Variants in GALNT13 observed in about 807,000 individuals in gnomAD.
The protein encoded by GALNT13 is UDP-GalNAc:polypeptide N-acetylgalactosaminyltransferase 13.
In GALNT13, 28 loss-of-function variants were observed where a neutral mutation model predicts 64.2. That is an observed-to-expected ratio of 0.44 (90% confidence interval 0.32 to 0.60). The LOEUF (loss-of-function observed/expected upper bound fraction) is 0.60. Ranked by LOEUF, GALNT13 falls within the 20% of genes least tolerant of loss-of-function variation. The pLI, the probability that GALNT13 is intolerant of heterozygous loss-of-function variation, is 0.05. For missense variants in GALNT13, 577 were observed against 669.8 expected (o/e 0.86, Z 1.53); for synonymous variants, 214 against 224.6 (o/e 0.95, Z 0.42).
chr2:153,138,317 T>C, the GALNT13 span, among the ~76,000 whole-genome samples: 1 of 152,072 alleles, frequency 6.6e-6, no homozygotes, highest in Non-Finnish European at 1.5e-5. Context: ...TTCACTGATT[T>C]AAAACTTCAC....
At chr2:153,145,883 G>C in the GALNT13 span, among the ~76,000 whole-genome samples, 4 of 151,808 alleles carry the variant, frequency 2.6e-5, no homozygotes, top group African/African-American at 9.7e-5. Context: ...CCCAGGATCA[G>C]ATTTCTGGAA....
rs368475927 is a variant in GALNT13, at chr2:154,300,099, C to CTTTT, written c.976-1295_976-1292dup. On this transcript the variant is annotated intron_variant, in intron 8 of 12. Transcript: ENST00000392825. ...ATAGTTTTTTTTTCTTTCTTTCTCT[C>CTTTT]TTTTTTTTTTTTTTTTTTGAGATAG... 1.9e-3 allele frequency among the ~76,000 whole-genome samples: 217 copies of CTTTT among 116,976 alleles called. 2 individuals are homozygous for CTTTT. The highest frequency in any genetic ancestry group is 2.5e-3 in the South Asian group (9 of 3,588). 76.7% of individuals were successfully genotyped at this position (116,976 alleles called of 152,430 possible). A position where few individuals can be genotyped will look rare whatever the true frequency, so the allele number is the denominator to read the frequency against.
chr2:153,677,763 CAAAA>C, the GALNT13 span, among the ~76,000 whole-genome samples: 1 of 152,044 alleles, frequency 6.6e-6, no homozygotes, highest in East Asian at 1.9e-4. Context: ...ACAGAATCAA[CAAAA>C]ACAAACAATG....
the GALNT13 span, among the ~76,000 whole-genome samples, chr2:153,810,987 T>G: frequency 5.9e-5 from 9 of 152,206 alleles, no homozygotes; most frequent in African/African-American, 2.2e-4. Flanking sequence ...TCATTTAACC[T>G]TTTTGAACCC....
chr2:154,215,548 C>G (rs1559029808), intron 4 of GALNT13, among the ~76,000 whole-genome samples: 1 of 152,174 alleles, frequency 6.6e-6, no homozygotes, highest in African/African-American at 2.4e-5. Context: ...CCTGAAATGT[C>G]TTTCTTTTCC....
the GALNT13 span, among the ~76,000 whole-genome samples, chr2:153,836,946 T>C: frequency 6.6e-6 from 1 of 152,096 alleles, no homozygotes; most frequent in Non-Finnish European, 1.5e-5. Context: ...TTTGCTATTG[T>C]GAATAGTGCC....
At chr2:153,438,588 G>A in the GALNT13 span, among the ~76,000 whole-genome samples, 14 of 151,360 alleles carry the variant, frequency 9.2e-5, no homozygotes, top group South Asian at 6.3e-4. Flanking sequence ...TTCTTCCATC[G>A]CTGATATACT....
intron 3 of GALNT13, among the ~76,000 whole-genome samples, chr2:154,061,416 G>A (rs1700177771): frequency 6.6e-6 from 1 of 152,126 alleles, no homozygotes; most frequent in African/African-American, 2.4e-5. Context: ...AGGATTTTGG[G>A]TCAGAGCTGG....
chr2:154,030,151 G>T (rs949868618), intron 3 of GALNT13, among the ~76,000 whole-genome samples: 1 of 124,724 alleles, frequency 8.0e-6, no homozygotes, highest in East Asian at 2.0e-4. Context: ...AATTAAGGAG[G>T]ATTTAATGAG....
At position 153,888,233 on chromosome 2, in the gene GALNT13, C is replaced by A. The variant is rs79920487; in HGVS notation, c.-176-12703C>A. Among the ~76,000 whole-genome samples the A allele has an allele frequency of 2.0e-3, 302 of 151,930 alleles. 1 individual carries two copies. The highest frequency in any genetic ancestry group is 6.8e-3 in the African/African-American group (284 of 41,464). Reference sequence around the variant, plus strand: ...CATCATACTGTTTTTGATTTATTTCCAAATCATTTGCAGAATGTTGAAATG... The same window carrying A: ...CATCATACTGTTTTTGATTTATTTCAAAATCATTTGCAGAATGTTGAAATG... On this transcript the variant is annotated intron_variant, in intron 1 of 12. Transcript: ENST00000392825.
intron 7 of GALNT13, among the ~76,000 whole-genome samples, chr2:154,255,902 AG>A (rs529364565): frequency 1.5e-3 from 231 of 152,104 alleles, no homozygotes; most frequent in African/African-American, 5.2e-3. Flanking sequence ...AAATACAAAA[AG>A]ATAGCTCGGT....
chr2:153,366,864 G>A, the GALNT13 span, among the ~76,000 whole-genome samples: 1 of 151,522 alleles, frequency 6.6e-6, no homozygotes, highest in African/African-American at 2.4e-5. Flanking sequence ...ACAGAGGAAC[G>A]AAGATAAGAA....
the GALNT13 span, among the ~76,000 whole-genome samples, chr2:153,174,586 T>C: frequency 3.3e-5 from 5 of 152,124 alleles, no homozygotes; most frequent in African/African-American, 9.7e-5. Context: ...TATTTTACTA[T>C]TGGTAACAAG....
At chr2:154,099,183 T>C (rs1702223002) in intron 3 of GALNT13, among the ~76,000 whole-genome samples, 1 of 152,186 alleles carries the variant, frequency 6.6e-6, no homozygotes, top group Admixed American at 6.6e-5. Flanking sequence ...ATGTTGAGCA[T>C]TTTCTCATTT....
the GALNT13 span, among the ~76,000 whole-genome samples, chr2:153,492,225 C>G: frequency 6.6e-6 from 1 of 152,082 alleles, no homozygotes; most frequent in Non-Finnish European, 1.5e-5. Context: ...GCGTCTAAAA[C>G]AAGTGGAGGT....
the GALNT13 span, among the ~76,000 whole-genome samples, chr2:153,446,526 A>G: frequency 1.3e-5 from 2 of 152,202 alleles, no homozygotes; most frequent in Non-Finnish European, 2.9e-5. Flanking sequence ...CTACTGAAGT[A>G]TACTTCTACT....
rs138104920 is a variant in GALNT13 at position 154,278,439 on chromosome 2, T to C, written c.975+19301T>C. 1.4e-3 allele frequency among the ~76,000 whole-genome samples: 209 copies of C among 152,226 alleles called. 1 individual carries two copies. Among genetic ancestry groups the C allele is most frequent in the African/African-American group, 4.8e-3 (198 of 41,534 alleles). On this transcript the variant is annotated intron_variant, in intron 8 of 12. Coordinates refer to ENST00000392825, the MANE Select transcript of GALNT13 (RefSeq NM_052917.4). ...AAAGTTAAAGATGTACCAGGAGCAG[T>C]TGGAAATGTGTTGCAGGGTTGAGGC...
At chr2:154,286,784 T>G in intron 8 of GALNT13, 1 of 325,674 alleles carries the variant, frequency 3.1e-6, no homozygotes. Flanking sequence ...CAGAAACCAA[T>G]TTTCTTTAAC....
the GALNT13 span, among the ~76,000 whole-genome samples, chr2:153,075,937 A>T: frequency 6.6e-6 from 1 of 152,174 alleles, no homozygotes; most frequent in Admixed American, 6.5e-5. Flanking sequence ...ACTACATAGA[A>T]AAGATATATT....
Sources: gnomAD v4.1 joint callset for allele counts (sites outside exome capture counted in the v4.1 genomes callset) on GRCh38, gnomAD v4.1.1 for gene constraint, MANE v1.5 for transcripts, NCBI Gene and HGNC (gene_info 2026-07-23, HGNC 2026-07-21) for gene names.